The following ANAPC5 variants were observed in gnomAD, a reference collection of about 807,000 sequenced individuals.
ANAPC5 encodes anaphase promoting complex subunit 5, also known as anaphase-promoting complex subunit 5.
In ANAPC5, 60 loss-of-function variants were observed where a neutral mutation model predicts 91.3. That is an observed-to-expected ratio of 0.66 (90% CI 0.53 to 0.81). The LOEUF is 0.81. ANAPC5 is among the 40% of genes least tolerant of loss of function. The pLI, the probability that ANAPC5 is intolerant of heterozygous loss-of-function variation, is 0.00. For synonymous variants in ANAPC5, 340 were observed against 364.1 expected, an observed-to-expected ratio of 0.93 and a Z score of 0.75; for missense variants, 690 against 931.5, an observed-to-expected ratio of 0.74 and a Z score of 3.37.
chr12:121,340,007 T>G lies in ANAPC5; in HGVS notation c.657+1996A>C, dbSNP rs552183268. The stretch of plus-strand genomic sequence containing the variant: ...TTCTCCTGCCTCAGCCTCTGAAGTA[T>G]TCCATAGCTTTTATGTTAGAAAGCT... On this transcript the variant is annotated intron_variant, in intron 5 of 16. Coordinates refer to ENST00000261819, the MANE Select transcript of ANAPC5 (RefSeq NM_016237.5). Among the ~76,000 whole-genome samples the G allele has an allele frequency of 2.0e-5, 3 of 150,524 alleles. No individual in the cohort carries two copies. In the South Asian group the frequency reaches 6.4e-4, roughly 32 times the overall value.
intron 11 of ANAPC5, among the ~76,000 whole-genome samples, chr12:121,325,180 T>C (rs1555272169): frequency 6.6e-6 from 1 of 151,930 alleles, no homozygotes; most frequent in African/African-American, 2.4e-5. Flanking sequence ...AATTAAAAAC[T>C]GGCTGGGCGC....
At chr12:121,319,383 C>T (rs544943469) in intron 13 of ANAPC5, among the ~76,000 whole-genome samples, 2 of 151,876 alleles carry the variant, frequency 1.3e-5, no homozygotes, top group Admixed American at 6.6e-5. Context: ...CAGGCACCCA[C>T]CACCATGCCT....
Position 121,352,183 on chromosome 12 carries a change from C to T in ANAPC5, c.158G>A (p.Ser53Asn), listed in dbSNP as rs147306166. 35 of 1,613,196 alleles carry T rather than the reference C, an allele frequency of 2.2e-5. No individual in the cohort carries two copies. The highest frequency in any genetic ancestry group is 2.6e-5 in the Non-Finnish European group (31 of 1,179,340). ...GTTGAGCCTCCGCCGCTCCATGAGGCTGACGGCGCCCTCGCCTGTGCGGCT... is the reference window on the plus strand; with the variant it reads ...GTTGAGCCTCCGCCGCTCCATGAGGTTGACGGCGCCCTCGCCTGTGCGGCT... ...EMSRTGEGAV[S>N]LMERRRLNQL... The change falls in exon 1 of 17, where the codon AGC becomes AAC. Residue 53 changes from serine (S) to asparagine (N), a missense_variant. Physicochemically the swap from Ser to Asn is conservative, Grantham distance 46. Around this residue, in one of 5 missense-constraint regions of ANAPC5, gnomAD observed 238 missense variants for 264.9 expected, o/e 0.90. Coordinates refer to ENST00000261819, the MANE Select transcript of ANAPC5 (RefSeq NM_016237.5).
At chr12:121,318,792 G>A (rs1056827323) in intron 13 of ANAPC5, among the ~76,000 whole-genome samples, 184 bp from the exon 14 acceptor site, 1 of 152,184 alleles carries the variant, frequency 6.6e-6, no homozygotes, top group East Asian at 1.9e-4. Flanking sequence ...AGGCCGAGGC[G>A]GGCGAATCAC....
At chr12:121,331,478 T>G (rs1555272914) in intron 7 of ANAPC5, 50 bp from the exon 8 acceptor site, 1 of 1,475,956 alleles carries the variant, frequency 6.8e-7, no homozygotes, top group Non-Finnish European at 9.4e-7. Flanking sequence ...CAAACATGCA[T>G]AAGCAACCAT....
At chr12:121,343,095 A>C (rs1052373114) in intron 4 of ANAPC5, among the ~76,000 whole-genome samples, 1 of 152,346 alleles carries the variant, frequency 6.6e-6, no homozygotes, top group African/African-American at 2.4e-5. Flanking sequence ...CCTTTATAGA[A>C]AATATATTGG....
chr12:121,319,940 G>A (rs1465580391), intron 12 of ANAPC5, 122 bp from the exon 13 acceptor site: 2 of 1,014,868 alleles, frequency 2.0e-6, no homozygotes, highest in Admixed American at 3.2e-5. Context: ...ATTCTTTTTT[G>A]GGGGGATTTA....
At chr12:121,350,730 G>C (rs1403950786) in intron 1 of ANAPC5, among the ~76,000 whole-genome samples, 2 of 150,808 alleles carry the variant, frequency 1.3e-5, no homozygotes, top group African/African-American at 4.9e-5. Flanking sequence ...CACCTCTATC[G>C]CATTTCATTC....
chr12:121,312,518 C>T (rs770303493), intron 15 of ANAPC5, among the ~76,000 whole-genome samples: 3 of 151,104 alleles, frequency 2.0e-5, no homozygotes, highest in East Asian at 1.9e-4. Context: ...CATCCTAACA[C>T]GATGAAACCC....
intron 1 of ANAPC5, chr12:121,351,216 C>CA (rs1193761528): frequency 3.6e-5 from 13 of 362,382 alleles, no homozygotes; most frequent in Admixed American, 1.1e-4. Flanking sequence ...ACAAAAAATG[C>CA]AAAAAAATTA....
intron 2 of ANAPC5, chr12:121,347,468 A>G: frequency 3.6e-6 from 1 of 278,214 alleles, no homozygotes; most frequent in Non-Finnish European, 6.8e-6. Context: ...CATCTCTACT[A>G]AAAATACAAA....
chr12:121,326,274 T>G (rs1427156874), intron 11 of ANAPC5: 1 of 152,210 alleles, frequency 6.6e-6, no homozygotes, highest in Non-Finnish European at 1.5e-5. Context: ...TTGAGTGTTA[T>G]GATGCAATCT....
rs34467784 is a variant in ANAPC5, at chr12:121,351,924, CA to C, written c.207+209del. Among the ~76,000 whole-genome samples, 1,196 of 140,334 alleles carry C rather than the reference CA, an allele frequency of 8.5e-3. 12 individuals are homozygous for C. Among genetic ancestry groups the C allele is most frequent in the African/African-American group, 0.026 (995 of 38,582 alleles). The allele number at this position is 140,334 out of a possible 152,430, so 92.1% of individuals were successfully genotyped here. On this transcript the variant is annotated intron_variant, in intron 1 of 16. Transcript: ENST00000261819. ...AATACTGGAGCCAGACATGAACTTG[CA>C]AAAAAAAAAAATGCATGTAAAGCGC... is the stretch of plus-strand genomic sequence containing the variant.
At chr12:121,318,662 A>C in intron 13 of ANAPC5, 54 bp from the exon 14 acceptor site, 1 of 1,434,882 alleles carries the variant, frequency 7.0e-7, no homozygotes, top group Non-Finnish European at 9.8e-7. Flanking sequence ...TTTGAGGGTA[A>C]GAATCTCAAT....
chr12:121,342,481 C>G lies in ANAPC5; in HGVS notation c.591-412G>C, dbSNP rs112035973. 8.1e-4 allele frequency among the ~76,000 whole-genome samples: 123 copies of G among 152,288 alleles called. No individual in the cohort carries two copies. Among genetic ancestry groups the G allele is most frequent in the African/African-American group, 2.9e-3 (119 of 41,566 alleles). ...CAATGTGAGGCCAAAAACCGTAAAA[C>G]TCTTAGAAGATCTTCCTTCCACCTG... is the stretch of plus-strand genomic sequence containing the variant. On this transcript the variant is annotated intron_variant, in intron 4 of 16. Coordinates refer to ENST00000261819, the MANE Select transcript of ANAPC5 (RefSeq NM_016237.5). The surrounding 1 kb of genome is among the most constrained non-coding windows in gnomAD (Gnocchi z 4.1).
intron 4 of ANAPC5, among the ~76,000 whole-genome samples, chr12:121,344,659 A>G (rs542122867): frequency 6.6e-6 from 1 of 152,112 alleles, no homozygotes; most frequent in African/African-American, 2.4e-5. Context: ...CCGTCTGAGG[A>G]AAGTTGAGCT....
intron 13 of ANAPC5, 88 bp from the exon 14 acceptor site, chr12:121,318,696 C>G: frequency 5.9e-6 from 7 of 1,193,444 alleles, no homozygotes; most frequent in South Asian, 4.0e-5. Context: ...CTATAAACCT[C>G]CCAAGGGAAA....
chr12:121,344,637 G>A (rs1903592787), intron 4 of ANAPC5, among the ~76,000 whole-genome samples: 2 of 151,974 alleles, frequency 1.3e-5, no homozygotes, highest in Admixed American at 1.3e-4. Flanking sequence ...GCTACCTCGT[G>A]GTCAGGGAGG....
intron 13 of ANAPC5, among the ~76,000 whole-genome samples, 183 bp from the exon 14 acceptor site, chr12:121,318,791 C>T (rs1473453459): frequency 2.6e-5 from 4 of 152,070 alleles, no homozygotes; most frequent in African/African-American, 7.2e-5. Flanking sequence ...GAGGCCGAGG[C>T]GGGCGAATCA....
Sources: gnomAD v4.1 joint callset for allele counts (sites outside exome capture counted in the v4.1 genomes callset) on GRCh38, gnomAD v4.1.1 for gene constraint, gnomAD v4.1.1 regional missense constraint, Gnocchi (gnomAD v3.1) non-coding constraint, MANE v1.5 for transcripts, NCBI Gene and HGNC (gene_info 2026-07-23, HGNC 2026-07-21) for gene names.